The following TCEANC2 variants were observed in gnomAD, a reference collection of about 807,000 sequenced individuals.
TCEANC2 encodes transcription elongation factor A N-terminal and central domain containing 2.
TCEANC2 carries 20 observed loss-of-function variants against 22.8 expected under a neutral mutation model. That is an observed-to-expected ratio of 0.88 (90% CI 0.62 to 1.28). TCEANC2 has a LOEUF of 1.28. Ranked by LOEUF, TCEANC2 falls within the 50% of genes most tolerant of loss-of-function variation. TCEANC2 has a pLI of 0.00. For missense variants in TCEANC2, 251 were observed against 249.7 expected, an observed-to-expected ratio of 1.01 and a Z score of -0.03; for synonymous variants, 84 against 95.5, an observed-to-expected ratio of 0.88 and a Z score of 0.70.
chr1:54,063,894 C>T (rs1657902014), intron 2 of TCEANC2, among the ~76,000 whole-genome samples: 1 of 152,062 alleles, frequency 6.6e-6, no homozygotes, highest in Admixed American at 6.6e-5. Context: ...TACTTTTGAC[C>T]TATGGTTGGT....
Position 54,097,063 on chromosome 1 carries a change from T to C in TCEANC2, c.*590T>C. The C allele has an allele frequency of 2.3e-6, 2 of 884,860 alleles. No individual in the cohort carries two copies. Among genetic ancestry groups the C allele is most frequent in the Non-Finnish European group, 2.7e-6 (2 of 737,906 alleles). The allele number at this position is 884,860 out of a possible 1,614,324, so 54.8% of individuals were successfully genotyped here. A position where few individuals can be genotyped will look rare whatever the true frequency, so the allele number is the denominator to read the frequency against. On this transcript the variant is annotated 3_prime_UTR_variant, in exon 5 of 5. Coordinates refer to ENST00000234827, the MANE Select transcript of TCEANC2 (RefSeq NM_153035.3). ...TCTGCGTTGGTCTCCAGAGCCCCCA[T>C]GCTGAGGCTACTAATGAGGAACTGG...
intron 2 of TCEANC2, among the ~76,000 whole-genome samples, chr1:54,058,413 C>T (rs529205892): frequency 6.6e-5 from 10 of 152,156 alleles, no homozygotes; most frequent in South Asian, 4.1e-4. Flanking sequence ...GCCTGTGCCC[C>T]GCTATACTCT....
intron 3 of TCEANC2, among the ~76,000 whole-genome samples, chr1:54,070,447 A>G (rs559075498): frequency 6.6e-6 from 1 of 152,206 alleles, no homozygotes; most frequent in South Asian, 2.1e-4. Flanking sequence ...AATTAAAAAA[A>G]TAATTTCTAT....
chr1:54,058,970 T>C (rs1265923131), intron 2 of TCEANC2, among the ~76,000 whole-genome samples: 1 of 152,078 alleles, frequency 6.6e-6, no homozygotes, highest in African/African-American at 2.4e-5. Flanking sequence ...CTGTTCTTTG[T>C]ATAAGCTCTT....
intron 3 of TCEANC2, among the ~76,000 whole-genome samples, chr1:54,070,339 A>G (rs1229636915): frequency 2.0e-5 from 3 of 152,184 alleles, no homozygotes; most frequent in Non-Finnish European, 4.4e-5. Context: ...ATGTGTACAT[A>G]TGTATATGTA....
rs1223754088 is a variant in TCEANC2 at position 54,096,605 on chromosome 1, GCAGA to G, written c.*137_*140del. ...GATTTTCCCATGGTGCCGTTCCTTT[GCAGA>G]CAGAGGATTCGGAGAGCCCTAGGAG... On this transcript the variant is annotated 3_prime_UTR_variant, in exon 5 of 5. Transcript: ENST00000234827. This position sits in a 1 kb window ranked among gnomAD's most constrained non-coding sequence, Gnocchi z 4.9. 1 of 1,413,126 alleles carries G rather than the reference GCAGA, an allele frequency of 7.1e-7. No homozygotes were observed. The allele number at this position is 1,413,126 out of a possible 1,614,324, so 87.5% of individuals were successfully genotyped here. A position where few individuals can be genotyped will look rare whatever the true frequency, so the allele number is the denominator to read the frequency against.
chr1:54,106,606 T>C (rs1658759024), downstream of TCEANC2, among the ~76,000 whole-genome samples: 1 of 152,182 alleles, frequency 6.6e-6, no homozygotes. Context: ...GGCTAGTGGC[T>C]ACTGTGTTGG....
At chr1:54,056,610 C>T (rs1657757298) in intron 2 of TCEANC2, among the ~76,000 whole-genome samples, 1 of 152,096 alleles carries the variant, frequency 6.6e-6, no homozygotes, top group Admixed American at 6.6e-5. Flanking sequence ...CAGGCGTGAG[C>T]CACGGCACCT....
intron 2 of TCEANC2, among the ~76,000 whole-genome samples, chr1:54,061,702 A>C (rs1483017352): frequency 6.6e-6 from 1 of 152,170 alleles, no homozygotes; most frequent in Non-Finnish European, 1.5e-5. Flanking sequence ...TGGGATTTGA[A>C]CTAGATAATC....
At chr1:54,090,936 A>T (rs759581254) in intron 4 of TCEANC2, among the ~76,000 whole-genome samples, 4 of 152,212 alleles carry the variant, frequency 2.6e-5, no homozygotes, top group Admixed American at 6.5e-5. Flanking sequence ...CTCCACGATA[A>T]TTATCCTTTT....
At chr1:54,059,701 G>T (rs911398501) in intron 2 of TCEANC2, among the ~76,000 whole-genome samples, 1 of 152,138 alleles carries the variant, frequency 6.6e-6, no homozygotes, top group Non-Finnish European at 1.5e-5. Context: ...GAATTCCTGA[G>T]ACCCGGGACT....
At chr1:54,068,424 C>G (rs796965985) in intron 2 of TCEANC2, among the ~76,000 whole-genome samples, 7 of 152,340 alleles carry the variant, frequency 4.6e-5, no homozygotes, top group African/African-American at 1.4e-4. Context: ...AATTAAGACA[C>G]TCTTAAGTGA....
intron 2 of TCEANC2, among the ~76,000 whole-genome samples, chr1:54,059,014 A>T (rs1657803143): frequency 6.6e-6 from 1 of 152,092 alleles, no homozygotes; most frequent in Non-Finnish European, 1.5e-5. Context: ...CTTGAACTTG[A>T]TGCTTGTCCC....
downstream of TCEANC2, among the ~76,000 whole-genome samples, chr1:54,107,241 A>G (rs1316343730): frequency 4.6e-5 from 7 of 151,962 alleles, no homozygotes; most frequent in African/African-American, 1.2e-4. Flanking sequence ...CTGTCCCTCA[A>G]TTTGGGTTTG....
chr1:54,084,542 C>T (rs1658301950), intron 3 of TCEANC2, among the ~76,000 whole-genome samples: 1 of 152,122 alleles, frequency 6.6e-6, no homozygotes, highest in South Asian at 2.1e-4. Context: ...TCCTCAGCAC[C>T]AGGCATAAGG....
intron 3 of TCEANC2, among the ~76,000 whole-genome samples, chr1:54,073,717 C>T (rs183816741): frequency 1.3e-5 from 2 of 152,222 alleles, no homozygotes; most frequent in Admixed American, 6.5e-5. Context: ...GTCTGGTTGC[C>T]ATGTGGGAAA....
rs1448712984 is a variant in TCEANC2, at chr1:54,098,759, A to G, written c.*2286A>G. 1 of 152,240 alleles carries G rather than the reference A, an allele frequency of 6.6e-6. No homozygotes were observed. Among genetic ancestry groups the G allele is most frequent in the Non-Finnish European group, 1.5e-5 (1 of 68,070 alleles). 9.4% of individuals were successfully genotyped at this position (152,240 alleles called of 1,614,324 possible). On this transcript the variant is annotated 3_prime_UTR_variant, in exon 5 of 5. Coordinates refer to ENST00000234827, the MANE Select transcript of TCEANC2 (RefSeq NM_153035.3). ...AATTCAATCAGGGAGTGCTTCCTGG[A>G]GGAGCTGATACCTGTGTTCAGTCTT... is the stretch of plus-strand genomic sequence containing the variant.
intron 1 of TCEANC2, chr1:54,054,105 A>G (rs989596978): frequency 5.9e-6 from 3 of 505,344 alleles, no homozygotes; most frequent in South Asian, 5.6e-5. Context: ...GGGGATTCCA[A>G]TATTGGGCCA....
chr1:54,063,878 T>A (rs1048412713), intron 2 of TCEANC2, among the ~76,000 whole-genome samples: 9 of 152,198 alleles, frequency 5.9e-5, no homozygotes, highest in Non-Finnish European at 1.0e-4. Context: ...TCTATTTTTT[T>A]AAAAATACTT....
Sources: gnomAD v4.1 joint callset for allele counts (sites outside exome capture counted in the v4.1 genomes callset) on GRCh38, gnomAD v4.1.1 for gene constraint, Gnocchi (gnomAD v3.1) non-coding constraint, MANE v1.5 for transcripts, NCBI Gene and HGNC (gene_info 2026-07-23, HGNC 2026-07-21) for gene names.